MYH14: variants seen among roughly 807,000 people sequenced by gnomAD.
MYH14 encodes myosin heavy chain 14.
In MYH14, 123 loss-of-function variants were observed where a neutral mutation model predicts 255.5. The observed-to-expected ratio is 0.48, with a 90% CI of 0.42 to 0.56. The LOEUF is 0.56. MYH14 is among the 20% of genes least tolerant of loss of function. The pLI is 0.00. For synonymous variants in MYH14, 1,095 were observed against 1,161.2 expected (o/e 0.94, Z 1.16); for missense variants, 2,423 against 2,802.3 (o/e 0.86, Z 3.06).
At chr19:50,295,182 G>A (rs908920657) in intron 39 of MYH14, among the ~76,000 whole-genome samples, 9 of 151,800 alleles carry the variant, frequency 5.9e-5, no homozygotes, top group East Asian at 5.8e-4. Context: ...AAAATTAGCC[G>A]GGCATGGTGG....
chr19:50,307,194 G>A, intron 41 of MYH14, 37 bp downstream of exon 41: 1 of 1,303,946 alleles, frequency 7.7e-7, no homozygotes, highest in African/African-American at 1.5e-5. Context: ...AGTGGAGAGT[G>A]TGACCACTGG....
chr19:50,307,978 T>C (rs944380855), intron 41 of MYH14, among the ~76,000 whole-genome samples: 10 of 152,294 alleles, frequency 6.6e-5, no homozygotes, highest in African/African-American at 1.9e-4. Context: ...CCTGCCCTCA[T>C]GGAGCTCACA....
intron 15 of MYH14, among the ~76,000 whole-genome samples, chr19:50,251,569 C>CACATATATATATATATATATAT (rs1491546469): frequency 1.7e-5 from 2 of 121,076 alleles, no homozygotes; most frequent in African/African-American, 6.5e-5. Flanking sequence ...CACACACACA[C>CACATATATATATATATATATAT]ATATATATAT....
At position 50,230,751 on chromosome 19, in the gene MYH14, G is replaced by T; in HGVS notation, c.973+128G>T. Reference sequence around the variant, plus strand: ...TCCGTCAAACACCGACTTCGCATGAGGCTCCCGCAGCCCCTGCTCTCGCTG... The same window carrying T: ...TCCGTCAAACACCGACTTCGCATGATGCTCCCGCAGCCCCTGCTCTCGCTG... On this transcript the variant is annotated intron_variant, in intron 9 of 42. Transcript: ENST00000642316. This position sits in a 1 kb window ranked among gnomAD's most constrained non-coding sequence, Gnocchi z 4.7. 2 of 729,126 alleles carry T rather than the reference G, an allele frequency of 2.7e-6. No homozygotes were observed. The highest frequency in any genetic ancestry group is 4.6e-6 in the Non-Finnish European group (2 of 436,946). 45.2% of individuals were successfully genotyped at this position (729,126 alleles called of 1,614,324 possible).
chr19:50,252,506 G>T lies in MYH14; in HGVS notation c.1831-133G>T. On this transcript the variant is annotated intron_variant, in intron 15 of 42. Transcript: ENST00000642316. This position sits in a 1 kb window ranked among gnomAD's most constrained non-coding sequence, Gnocchi z 4.2. ...GTGCAGTTCAGAATATGGACACAAG[G>T]TGGCACCAGTGCTCGCTTGTCCATG... 1 of 691,114 alleles carries T rather than the reference G, an allele frequency of 1.4e-6. No homozygotes were observed. Among genetic ancestry groups the T allele is most frequent in the Admixed American group, 2.1e-5 (1 of 48,486 alleles). 42.8% of individuals were successfully genotyped at this position (691,114 alleles called of 1,614,324 possible).
chr19:50,282,572 G>A (rs1364477218), intron 33 of MYH14, among the ~76,000 whole-genome samples: 1 of 152,098 alleles, frequency 6.6e-6, no homozygotes, highest in Non-Finnish European at 1.5e-5. Context: ...GCATGGCGGT[G>A]TGCGCCTGTA....
chr19:50,263,251 C>T, intron 21 of MYH14, 61 bp from the exon 22 acceptor site: 1 of 1,090,032 alleles, frequency 9.2e-7, no homozygotes, highest in East Asian at 2.8e-5. Context: ...GCTTGGCTCT[C>T]TTGCTAAGGG....
intron 22 of MYH14, among the ~76,000 whole-genome samples, chr19:50,263,785 T>G (rs1670727): frequency 0.75 from 113,799 of 151,930 alleles, 42,849 homozygotes; most frequent in East Asian, 0.84. Context: ...TGCTGGGTGC[T>G]GTGGCTCACA....
intron 34 of MYH14, 136 bp from the exon 35 acceptor site, chr19:50,289,300 A>G (rs1412935980): frequency 1.6e-5 from 11 of 708,106 alleles, no homozygotes; most frequent in Non-Finnish European, 2.2e-5. Context: ...TTTTGAATGG[A>G]TGAATGAACA....
In MYH14 at chr19:50,276,276, T is replaced by G; in HGVS notation, c.3680+73T>G. ...CTGGGGGAAGGACTTAGGTACAAAG[T>G]CTCTGTCTATACAGAGGCTTACTTA... On this transcript the variant is annotated intron_variant, in intron 28 of 42. Coordinates refer to ENST00000642316, the MANE Select transcript of MYH14 (RefSeq NM_001145809.2). The surrounding 1 kb of genome is among the most constrained non-coding windows in gnomAD (Gnocchi z 4.3). The G allele has an allele frequency of 8.7e-7, 1 of 1,153,498 alleles. No individual in the cohort carries two copies. Among genetic ancestry groups the G allele is most frequent in the East Asian group, 2.6e-5 (1 of 38,906 alleles). The allele number at this position is 1,153,498 out of a possible 1,614,324, so 71.5% of individuals were successfully genotyped here.
chr19:50,234,288 G>C (rs143039840), intron 10 of MYH14, among the ~76,000 whole-genome samples: 1 of 152,164 alleles, frequency 6.6e-6, no homozygotes, highest in Non-Finnish European at 1.5e-5. Context: ...GTGGACCTCC[G>C]CCTTTTCAGA....
chr19:50,267,849 GA>G, intron 23 of MYH14, among the ~76,000 whole-genome samples: 1 of 152,124 alleles, frequency 6.6e-6, no homozygotes, highest in East Asian at 1.9e-4. Context: ...ACAGGTGAGA[GA>G]AGGAAAGACC....
chr19:50,263,185 C>T, intron 21 of MYH14, 127 bp from the exon 22 acceptor site: 1 of 662,890 alleles, frequency 1.5e-6, no homozygotes, highest in Non-Finnish European at 2.4e-6. Flanking sequence ...GGCAACAGAG[C>T]AAGACTCTGT....
At chr19:50,244,951 T>G (rs1376443049) in intron 11 of MYH14, among the ~76,000 whole-genome samples, 1 of 152,172 alleles carries the variant, frequency 6.6e-6, no homozygotes, top group Non-Finnish European at 1.5e-5. Context: ...CCATTAGCAT[T>G]TGGCGTAGCT....
intron 12 of MYH14, 62 bp from the exon 13 acceptor site, chr19:50,248,925 C>A: frequency 1.9e-6 from 3 of 1,591,156 alleles, no homozygotes; most frequent in Non-Finnish European, 2.6e-6. Flanking sequence ...CCGGTTCACC[C>A]CCGACGTCTT....
At chr19:50,258,432 G>C (rs532138906) in intron 18 of MYH14, 1 of 152,092 alleles carries the variant, frequency 6.6e-6, no homozygotes, top group South Asian at 2.1e-4. Context: ...CTGTTGAAAA[G>C]AGAAAAGGCG....
intron 39 of MYH14, among the ~76,000 whole-genome samples, chr19:50,298,760 AAAAG>A (rs2036372167): frequency 6.6e-6 from 1 of 151,932 alleles, no homozygotes. Flanking sequence ...AAAAAAAAAA[AAAAG>A]AAAAGAAAAA....
At chr19:50,278,379 C>A in intron 30 of MYH14, 90 bp downstream of exon 30, 1 of 944,200 alleles carries the variant, frequency 1.1e-6, no homozygotes, top group Non-Finnish European at 1.5e-6. Context: ...CCATATCAAA[C>A]CAATTGTCTC....
intron 3 of MYH14, among the ~76,000 whole-genome samples, chr19:50,218,530 G>A (rs201115296): frequency 3.9e-5 from 6 of 151,932 alleles, no homozygotes; most frequent in Non-Finnish European, 4.4e-5. Context: ...CCCGGGAGGC[G>A]GAGCTTGCAG....
Sources: allele counts gnomAD v4.1 joint callset (sites outside exome capture counted in the v4.1 genomes callset), GRCh38; gene constraint gnomAD v4.1.1; non-coding constraint Gnocchi (gnomAD v3.1); transcripts MANE v1.5; gene names NCBI Gene and HGNC (gene_info 2026-07-23, HGNC 2026-07-21).